The following IL1R2 variants were observed in gnomAD, a reference collection of about 807,000 sequenced individuals.
IL1R2 encodes the protein interleukin-1 receptor type 2.
A neutral mutation model predicts 39.5 loss-of-function variants in IL1R2; 46 were observed. The ratio of observed to expected loss-of-function variants is 1.16; its 90% CI spans 0.92 to 1.49. The LOEUF is 1.49. Among genes scored for constraint, IL1R2 ranks in the 40% most tolerant of loss-of-function variants. The pLI is 0.00. For synonymous variants in IL1R2, 207 were observed against 189.6 expected, an observed-to-expected ratio of 1.09 and a Z score of -0.75; for missense variants, 537 against 502.0, an observed-to-expected ratio of 1.07 and a Z score of -0.67.
intron 1 of IL1R2, among the ~76,000 whole-genome samples, chr2:102,000,273 G>T (rs1675786420): frequency 6.6e-6 from 1 of 152,192 alleles, no homozygotes; most frequent in East Asian, 1.9e-4. Context: ...CTCCTGTAGT[G>T]CACACCAGGG....
At chr2:102,009,493 T>A (rs1676478437) in intron 2 of IL1R2, 69 bp from the exon 3 acceptor site, 1 of 1,518,094 alleles carries the variant, frequency 6.6e-7, no homozygotes, top group African/African-American at 1.4e-5. Flanking sequence ...CAGTCCCAGG[T>A]GCAGGGAGGT....
intron 1 of IL1R2, among the ~76,000 whole-genome samples, chr2:102,007,343 A>G (rs1038198321): frequency 6.6e-6 from 1 of 152,188 alleles, no homozygotes; most frequent in Admixed American, 6.5e-5. Flanking sequence ...TTAGCAGGAC[A>G]CCAAATCTCT....
In IL1R2 at chr2:102,016,229, G is replaced by T. The variant is rs185718139; in HGVS notation, c.513+178G>T. 11 of 525,612 alleles carry T rather than the reference G, an allele frequency of 2.1e-5. No homozygotes were observed. The East Asian group carries it at 2.7e-4, about 13-fold the overall frequency. The allele number at this position is 525,612 out of a possible 1,614,324, so 32.6% of individuals were successfully genotyped here. On this transcript the variant is annotated intron_variant, in intron 4 of 8. Transcript: ENST00000332549. The stretch of plus-strand genomic sequence containing the variant: ...ACATCCTGGGATTCAACCAACCTGG[G>T]ATTGAAAATATAAACAAATAAACAA...
chr2:102,008,870 A>C (rs953775348), intron 2 of IL1R2, among the ~76,000 whole-genome samples: 4 of 150,818 alleles, frequency 2.7e-5, no homozygotes, highest in African/African-American at 9.8e-5. Context: ...AAAAAAAAAA[A>C]AAAAAAAAGT....
At chr2:102,010,465 A>G (rs1416661520) in intron 3 of IL1R2, among the ~76,000 whole-genome samples, 1 of 151,844 alleles carries the variant, frequency 6.6e-6, no homozygotes, top group Non-Finnish European at 1.5e-5. Context: ...AGTCCCAGCT[A>G]CTCAGGAGGC....
intron 1 of IL1R2, among the ~76,000 whole-genome samples, chr2:102,006,891 G>C (rs1323541196): frequency 6.6e-6 from 1 of 152,234 alleles, no homozygotes; most frequent in African/African-American, 2.4e-5. Flanking sequence ...GGCCTCGTGT[G>C]TGCTTTTGGC....
At chr2:102,003,008 G>GTCTA (rs1559413253) in intron 1 of IL1R2, among the ~76,000 whole-genome samples, 181 of 124,124 alleles carry the variant, frequency 1.5e-3, no homozygotes, top group Middle Eastern at 4.2e-3. Flanking sequence ...GTCTATGTCT[G>GTCTA]TGTCTGTGTC....
At chr2:102,010,823 C>T (rs1676583447) in intron 3 of IL1R2, among the ~76,000 whole-genome samples, 1 of 152,140 alleles carries the variant, frequency 6.6e-6, no homozygotes, top group Admixed American at 6.5e-5. Context: ...GGCACCATCA[C>T]CATTATCCAT....
At position 102,014,980 on chromosome 2, in the gene IL1R2, TA is replaced by T. The variant is rs1676903046; in HGVS notation, c.333-890del. On this transcript the variant is annotated intron_variant, in intron 3 of 8. Transcript: ENST00000332549. ...ATAATAATAATAATAATAATAATCA[TA>T]TAATAATAAAGCAAACTTACCAAGT... is the stretch of plus-strand genomic sequence containing the variant. 5.4e-5 allele frequency among the ~76,000 whole-genome samples: 8 copies of T among 147,814 alleles called. No individual in the cohort carries two copies. In the South Asian group the frequency reaches 1.7e-3, roughly 32 times the overall value.
At chr2:102,018,023 T>C (rs935844937) in intron 4 of IL1R2, among the ~76,000 whole-genome samples, 2 of 152,254 alleles carry the variant, frequency 1.3e-5, no homozygotes, top group Admixed American at 6.5e-5. Context: ...TTAGAAACTT[T>C]GAAATGATTT....
chr2:102,012,204 T>C (rs1200676925), intron 3 of IL1R2, among the ~76,000 whole-genome samples: 1 of 152,194 alleles, frequency 6.6e-6, no homozygotes, highest in Non-Finnish European at 1.5e-5. Flanking sequence ...CTTGGCTTTG[T>C]TCTTCTGAAC....
intron 1 of IL1R2, among the ~76,000 whole-genome samples, chr2:101,997,432 C>A (rs1040316648): frequency 6.6e-6 from 1 of 152,176 alleles, no homozygotes; most frequent in Non-Finnish European, 1.5e-5. Context: ...TGAAGAGCTC[C>A]GAGGAGCACC....
chr2:102,002,600 GTGTCTA>G (rs1343873907), intron 1 of IL1R2, among the ~76,000 whole-genome samples: 1 of 151,390 alleles, frequency 6.6e-6, no homozygotes, highest in African/African-American at 2.4e-5. Flanking sequence ...GTCTGTGTCT[GTGTCTA>G]TGTCTGTATA....
intron 3 of IL1R2, among the ~76,000 whole-genome samples, chr2:102,015,494 T>C (rs1045300914): frequency 5.9e-5 from 9 of 152,216 alleles, no homozygotes; most frequent in African/African-American, 2.2e-4. Context: ...GTCACTTAAC[T>C]TACCACTTAA....
At chr2:101,996,401 T>C (rs565973456) in intron 1 of IL1R2, among the ~76,000 whole-genome samples, 1 of 151,732 alleles carries the variant, frequency 6.6e-6, no homozygotes, top group African/African-American at 2.4e-5. Flanking sequence ...TGGGCTATCT[T>C]CAAGTTGAAG....
At chr2:102,005,693 T>G (rs1057433640) in intron 1 of IL1R2, among the ~76,000 whole-genome samples, 2 of 152,196 alleles carry the variant, frequency 1.3e-5, no homozygotes, top group African/African-American at 4.8e-5. Flanking sequence ...TACATCTCAT[T>G]GATCCACATT....
chr2:102,023,760 G>A (rs1265251765), intron 6 of IL1R2: 1 of 152,292 alleles, frequency 6.6e-6, no homozygotes, highest in African/African-American at 2.4e-5. Flanking sequence ...AAAACACAGA[G>A]TTTTTGGCTG....
At chr2:102,025,768 T>C (rs1221004558) in intron 7 of IL1R2, among the ~76,000 whole-genome samples, 2 of 152,142 alleles carry the variant, frequency 1.3e-5, no homozygotes, top group Non-Finnish European at 2.9e-5. Flanking sequence ...GACTCAAGTT[T>C]CCTCAAACTA....
chr2:102,012,889 C>T (rs1380577672), intron 3 of IL1R2, among the ~76,000 whole-genome samples: 1 of 152,210 alleles, frequency 6.6e-6, no homozygotes, highest in Non-Finnish European at 1.5e-5. Context: ...TCTTAGCTCT[C>T]TCATTTCCTA....
Sources: gnomAD v4.1 joint callset for allele counts (sites outside exome capture counted in the v4.1 genomes callset) on GRCh38, gnomAD v4.1.1 for gene constraint, MANE v1.5 for transcripts, NCBI Gene and HGNC (gene_info 2026-07-23, HGNC 2026-07-21) for gene names.